MAP3K19: variants seen among roughly 807,000 people sequenced by gnomAD.
The protein encoded by MAP3K19 is SPS1/STE20-related protein kinase YSK4.
Under a neutral mutation model 114.4 loss-of-function variants are expected in MAP3K19, and 91 were observed. That is an observed-to-expected ratio of 0.80 (90% CI 0.67 to 0.95). The LOEUF is 0.95. MAP3K19 is among the 40% of genes least tolerant of loss of function. The pLI is 0.00. For synonymous variants in MAP3K19, 518 were observed against 530.5 expected (o/e 0.98, Z 0.32); for missense variants, 1,471 against 1,573.2 (o/e 0.94, Z 1.10).
intron 8 of MAP3K19, among the ~76,000 whole-genome samples, chr2:134,996,819 T>C (rs1573977984): frequency 1.3e-5 from 2 of 152,226 alleles, no homozygotes; most frequent in East Asian, 1.9e-4. Context: ...AGGATCACTT[T>C]AGCCCAAGAG....
chr2:134,994,553 C>G (rs1397874972), intron 8 of MAP3K19, among the ~76,000 whole-genome samples: 1 of 152,026 alleles, frequency 6.6e-6, no homozygotes, highest in African/African-American at 2.4e-5. Flanking sequence ...AATATGAGGA[C>G]AAAGAAGAGT....
In MAP3K19 at chr2:134,991,548, G is replaced by C. The variant is rs761436112; in HGVS notation, c.607C>G (p.Arg203Gly). ...FSTSHMKYSG[R>G]SIKFLLPPLS... The stretch of plus-strand genomic sequence containing the variant: ...AGCACTAATCTTACCTTGATGCTTC[G>C]GCCACTGTACTTCATATGAGAGGTC... Residue 203 changes from arginine (R) to glycine (G), a missense_variant, in exon 9 of 13, where the codon CGA becomes GGA. Coordinates refer to ENST00000392915, the MANE Select transcript of MAP3K19 (RefSeq NM_025052.5). 1.2e-6 allele frequency: 2 copies of C among 1,613,404 alleles called. No individual in the cohort carries two copies. The highest frequency in any genetic ancestry group is 1.7e-6 in the Non-Finnish European group (2 of 1,179,538).
chr2:135,021,473 T>C (rs79471226), intron 5 of MAP3K19, among the ~76,000 whole-genome samples: 20 of 146,664 alleles, frequency 1.4e-4, no homozygotes, highest in East Asian at 1.0e-3. Flanking sequence ...CACACACACA[T>C]ACACACACAC....
In MAP3K19 at chr2:134,964,773, A is replaced by T; in HGVS notation, c.*77T>A. The T allele has an allele frequency of 8.6e-7, 1 of 1,165,416 alleles. No homozygotes were observed. Among genetic ancestry groups the T allele is most frequent in the South Asian group, 1.3e-5 (1 of 74,730 alleles). 72.2% of individuals were successfully genotyped at this position (1,165,416 alleles called of 1,614,324 possible). On this transcript the variant is annotated 3_prime_UTR_variant, in exon 13 of 13. Transcript: ENST00000392915. ...CTGAATTTTCAGTGGGGAAACAAAG[A>T]TCCCTTAGCCATCATTCCCCACAAT...
chr2:134,997,927 TCA>T (rs943570325), intron 8 of MAP3K19, among the ~76,000 whole-genome samples: 2 of 152,156 alleles, frequency 1.3e-5, no homozygotes, highest in Non-Finnish European at 2.9e-5. Context: ...GTAGGATGTG[TCA>T]CAGCTCCACT....
rs555089570 is a variant in MAP3K19 at position 134,993,770 on chromosome 2, A to G, written c.575-2190T>C. Among the ~76,000 whole-genome samples, 37 of 152,316 alleles carry G rather than the reference A, an allele frequency of 2.4e-4. No individual in the cohort carries two copies. In the South Asian group the frequency reaches 7.5e-3, roughly 31 times the overall value. ...TAGAGGCAAGATCTTTCTGGTAGGT[A>G]ATTTGGTAACATGTGTCAAAGCCTT... is the stretch of plus-strand genomic sequence containing the variant. On this transcript the variant is annotated intron_variant, in intron 8 of 12. Coordinates refer to ENST00000392915, the MANE Select transcript of MAP3K19 (RefSeq NM_025052.5).
chr2:135,036,601 T>G, intron 2 of MAP3K19, among the ~76,000 whole-genome samples: 1 of 151,826 alleles, frequency 6.6e-6, no homozygotes, highest in Non-Finnish European at 1.5e-5. Context: ...ATGTCTGTAA[T>G]ATACAAGTGG....
rs1273201787 is a variant in MAP3K19, at chr2:134,999,219, A to G, written c.315-222T>C. ...CCATCGCTTGGATGGATTAGGTTTC[A>G]GCTCACTCTCGTTTTCCCAATCACC... is the stretch of plus-strand genomic sequence containing the variant. On this transcript the variant is annotated intron_variant, in intron 7 of 12. Transcript: ENST00000392915. This position sits in a 1 kb window ranked among gnomAD's most constrained non-coding sequence, Gnocchi z 4.1. Among the ~76,000 whole-genome samples, 1 of 152,154 alleles carries G rather than the reference A, an allele frequency of 6.6e-6. No individual in the cohort carries two copies. The highest frequency in any genetic ancestry group is 1.5e-5 in the Non-Finnish European group (1 of 68,032).
chr2:134,972,039 C>T (rs1281501117), intron 12 of MAP3K19, among the ~76,000 whole-genome samples: 9 of 152,014 alleles, frequency 5.9e-5, no homozygotes, highest in Admixed American at 5.9e-4. Flanking sequence ...CAAATAATTA[C>T]ATCATGGAGA....
rs2105292372 is a variant in MAP3K19, at chr2:134,999,428, A to C, written c.315-431T>G. 6.6e-6 allele frequency among the ~76,000 whole-genome samples: 1 copy of C among 152,364 alleles called. No homozygotes were observed. Among genetic ancestry groups the C allele is most frequent in the Admixed American group, 6.5e-5 (1 of 15,310 alleles). On this transcript the variant is annotated intron_variant, in intron 7 of 12. Transcript: ENST00000392915. The surrounding 1 kb of genome is among the most constrained non-coding windows in gnomAD (Gnocchi z 4.1). ...ATAAATGAATTGCCATAAAAATGGA[A>C]GAAAAATAAAAGACATGCAAAAAAT...
At position 134,987,009 on chromosome 2, in the gene MAP3K19, T is replaced by C; in HGVS notation, c.1863A>G (p.Pro621=). Reference sequence around the variant, plus strand: ...GAGGAACACATGACTTCTGTGTTCCTGGATTTTTACAGATGCAAGGAAATG... The same window carrying C: ...GAGGAACACATGACTTCTGTGTTCCCGGATTTTTACAGATGCAAGGAAATG... ...KQSFPCICKN[P]GTQKSCVPLS... is the part of the protein sequence containing the mutation. The change falls in exon 10 of 13, where the codon CCA becomes CCG. Residue 621 remains proline (P), a synonymous_variant. Coordinates refer to ENST00000392915, the MANE Select transcript of MAP3K19 (RefSeq NM_025052.5). 1 of 1,613,496 alleles carries C rather than the reference T, an allele frequency of 6.2e-7. No homozygotes were observed. Among genetic ancestry groups the C allele is most frequent in the South Asian group, 1.1e-5 (1 of 91,084 alleles).
chr2:134,965,441 A>G lies in MAP3K19; in HGVS notation c.3921-525T>C, dbSNP rs567153891. ...GTAAGATAGAGGGAGACAGTTGTTCAGTACTATTGTGGCATAGTTTTTTTC... is the reference window on the plus strand; with the variant it reads ...GTAAGATAGAGGGAGACAGTTGTTCGGTACTATTGTGGCATAGTTTTTTTC... On this transcript the variant is annotated intron_variant, in intron 12 of 12. Coordinates refer to ENST00000392915, the MANE Select transcript of MAP3K19 (RefSeq NM_025052.5). Among the ~76,000 whole-genome samples the G allele has an allele frequency of 3.3e-5, 5 of 152,364 alleles. No homozygotes were observed. In the South Asian group the frequency reaches 1.0e-3, roughly 32 times the overall value.
rs1286193852 is a variant in MAP3K19, at chr2:134,981,274, C to T, written c.3467G>A (p.Gly1156Glu). ...ACAGAACACCATCTCAGGCAATGGC[C>T]CAAAACGGTTTATAATACTAGAGAT... The part of the protein sequence containing the change: ...GSISSIINRF[G>E]PLPEMVFCKY... Residue 1156 changes from glycine to glutamate, a missense_variant, in exon 12 of 13, where the codon GGG becomes GAG. Gly to Glu is a moderately conservative substitution (Grantham distance 98). Transcript: ENST00000392915. 13 of 1,614,186 alleles carry T rather than the reference C, an allele frequency of 8.1e-6. No homozygotes were observed. In the South Asian group the frequency reaches 8.8e-5, roughly 11 times the overall value.
At chr2:134,964,971 T>C in intron 12 of MAP3K19, 55 bp from the exon 13 acceptor site, 1 of 1,280,736 alleles carries the variant, frequency 7.8e-7, no homozygotes, top group Non-Finnish European at 1.1e-6. Context: ...AGACTGCCAA[T>C]GTAGATCTAC....
chr2:135,015,835 G>A (rs752889927), intron 5 of MAP3K19, among the ~76,000 whole-genome samples: 3 of 151,884 alleles, frequency 2.0e-5, no homozygotes, highest in Non-Finnish European at 2.9e-5. Context: ...GGAGGTTGCA[G>A]TGAGCCGAGA....
chr2:135,033,467 C>CT (rs1688442083), intron 2 of MAP3K19, among the ~76,000 whole-genome samples: 1 of 105,518 alleles, frequency 9.5e-6, no homozygotes, highest in Non-Finnish European at 1.8e-5. Flanking sequence ...GCCCCCCACC[C>CT]CCCGGACGGG....
At chr2:135,036,999 CTTT>C (rs10617799) in intron 2 of MAP3K19, among the ~76,000 whole-genome samples, 39,307 of 144,478 alleles carry the variant, frequency 0.27, 6,885 homozygotes, top group African/African-American at 0.48. Flanking sequence ...GTAAAACATT[CTTT>C]TTTTTTTTTT....
chr2:134,969,452 TGGTA>T (rs1683708788), intron 12 of MAP3K19, among the ~76,000 whole-genome samples: 1 of 152,120 alleles, frequency 6.6e-6, no homozygotes, highest in Admixed American at 6.5e-5. Context: ...TGGGATAAGA[TGGTA>T]GGTATCTCTT....
chr2:134,977,112 C>G (rs1384647943), intron 12 of MAP3K19, among the ~76,000 whole-genome samples: 1 of 150,370 alleles, frequency 6.7e-6, no homozygotes, highest in Admixed American at 6.6e-5. Context: ...TTAAAATATG[C>G]AGAAATCTCT....
Sources: allele counts gnomAD v4.1 joint callset (sites outside exome capture counted in the v4.1 genomes callset), GRCh38; gene constraint gnomAD v4.1.1; non-coding constraint Gnocchi (gnomAD v3.1); transcripts MANE v1.5; gene names NCBI Gene and HGNC (gene_info 2026-07-23, HGNC 2026-07-21).